Variants in PCDHGB1 observed in about 807,000 individuals in gnomAD.
PCDHGB1 encodes the protein protocadherin gamma-B1.
PCDHGB1 carries 34 observed loss-of-function variants against 56.6 expected under a neutral mutation model. The ratio of observed to expected loss-of-function variants is 0.60; its 90% confidence interval spans 0.46 to 0.80. The LOEUF (loss-of-function observed/expected upper bound fraction) is 0.80, where lower values mean the gene tolerates loss of function less well. Among genes scored for constraint, PCDHGB1 ranks in the 30% least tolerant of loss-of-function variants. The pLI is 0.00. For missense variants in PCDHGB1, 1,278 were observed against 1,204.6 expected, an observed-to-expected ratio of 1.06 and a Z score of -0.90; for synonymous variants, 561 against 505.9, an observed-to-expected ratio of 1.11 and a Z score of -1.46.
chr5:141,402,616 A>G (rs974813396), intron 1 of PCDHGB1, among the ~76,000 whole-genome samples: 1 of 152,256 alleles, frequency 6.6e-6, no homozygotes, highest in African/African-American at 2.4e-5. Flanking sequence ...AAATGCAAGA[A>G]ACAATTGGAG....
intron 1 of PCDHGB1, chr5:141,356,509 C>T: frequency 6.2e-7 from 1 of 1,614,018 alleles, no homozygotes; most frequent in Non-Finnish European, 8.5e-7. Context: ...TACAGAAACT[C>T]ATATTTCACT....
At chr5:141,434,194 GTACT>G (rs527775432) in intron 1 of PCDHGB1, among the ~76,000 whole-genome samples, 169 of 152,308 alleles carry the variant, frequency 1.1e-3, no homozygotes, top group African/African-American at 3.9e-3. Flanking sequence ...TAATTCCAAT[GTACT>G]TACTTCTGTC....
At position 141,350,858 on chromosome 5, in the gene PCDHGB1, G is replaced by A; in HGVS notation, c.598G>A (p.Glu200Lys). The A allele has an allele frequency of 9.9e-6, 16 of 1,614,058 alleles. No homozygotes were observed. Among genetic ancestry groups the A allele is most frequent in the Non-Finnish European group, 1.3e-5 (15 of 1,179,910 alleles). The change falls in exon 1 of 4, where the codon GAA becomes AAA. Residue 200 changes from glutamate to lysine, a missense_variant. Coordinates refer to ENST00000523390, the MANE Select transcript of PCDHGB1 (RefSeq NM_018922.3). ...VLLLEKPLDR[E>K]HQSSHRLILT... The stretch of plus-strand genomic sequence containing the variant: ...ACTGCTGGAAAAACCTCTAGACAGG[G>A]AACATCAGAGCTCTCATCGCTTAAT...
chr5:141,483,243 ATATATCATGAGGTTTTTTTGTT>A (rs555469799), intron 1 of PCDHGB1, among the ~76,000 whole-genome samples: 11 of 151,654 alleles, frequency 7.3e-5, no homozygotes, highest in African/African-American at 2.2e-4. Context: ...ACTGATATGC[ATATATCATGAGGTTTTTTTGTT>A]TTAGAAATAT....
At chr5:141,457,167 C>T (rs1465212183) in intron 1 of PCDHGB1, among the ~76,000 whole-genome samples, 1 of 152,114 alleles carries the variant, frequency 6.6e-6, no homozygotes, top group East Asian at 1.9e-4. Context: ...CATGGATAAC[C>T]CTATTGCAAA....
intron 1 of PCDHGB1, chr5:141,479,417 T>A (rs2099495481): frequency 6.6e-6 from 1 of 152,210 alleles, no homozygotes; most frequent in Non-Finnish European, 1.5e-5. Context: ...ACTATGCTGA[T>A]CAATTGATCA....
At chr5:141,369,314 T>C (rs1414185068) in intron 1 of PCDHGB1, among the ~76,000 whole-genome samples, 1 of 152,134 alleles carries the variant, frequency 6.6e-6, no homozygotes, top group Non-Finnish European at 1.5e-5. Flanking sequence ...TTAGGCTACT[T>C]GAGAAGAAAC....
At chr5:141,374,954 AT>A in intron 1 of PCDHGB1, 1 of 1,613,990 alleles carries the variant, frequency 6.2e-7, no homozygotes, top group East Asian at 2.2e-5. Flanking sequence ...GATCTCACAA[AT>A]TTTCTGTTTG....
chr5:141,358,345 G>A (rs568438184), intron 1 of PCDHGB1, among the ~76,000 whole-genome samples: 110 of 152,320 alleles, frequency 7.2e-4, no homozygotes, highest in African/African-American at 2.5e-3. Flanking sequence ...GATCTGGACT[G>A]AGGGTTTTTT....
Position 141,365,565 on chromosome 5 carries a change from G to A in PCDHGB1, c.2409+12896G>A, listed in dbSNP as rs140294664. The A allele has an allele frequency of 1.9e-6, 3 of 1,613,720 alleles. No individual in the cohort carries two copies. The Admixed American group carries it at 5.0e-5, about 27-fold the overall frequency. On this transcript the variant is annotated intron_variant, in intron 1 of 3. Transcript: ENST00000523390. ...CTATTAACAACTAGGGACCTGGACA[G>A]AGAAGAGACTTCAGATTATAATATC...
chr5:141,436,040 C>T (rs989038133), intron 1 of PCDHGB1, among the ~76,000 whole-genome samples: 1 of 152,060 alleles, frequency 6.6e-6, no homozygotes, highest in African/African-American at 2.4e-5. Context: ...TTTGTATTTA[C>T]ATTAGTTTTC....
intron 1 of PCDHGB1, chr5:141,393,880 T>A (rs1561645063): frequency 6.2e-7 from 1 of 1,614,004 alleles, no homozygotes; most frequent in Non-Finnish European, 8.5e-7. Context: ...TTTAGCCCAG[T>A]GTTAGAAAAT....
intron 1 of PCDHGB1, among the ~76,000 whole-genome samples, chr5:141,464,912 T>A (rs1303305860): frequency 2.6e-5 from 4 of 152,092 alleles, no homozygotes; most frequent in Non-Finnish European, 5.9e-5. Context: ...CTAATTTTTT[T>A]ATTTTTTTGT....
Position 141,491,197 on chromosome 5 carries a change from G to A in PCDHGB1, c.2410-3610G>A. Reference sequence around the variant, plus strand: ...GGTGGTCCTGGTGAGGGACAATGGTGACCCTTCACTCTCCTCCACAGCCAC... The same window carrying A: ...GGTGGTCCTGGTGAGGGACAATGGTAACCCTTCACTCTCCTCCACAGCCAC... On this transcript the variant is annotated intron_variant, in intron 1 of 3. Coordinates refer to ENST00000523390, the MANE Select transcript of PCDHGB1 (RefSeq NM_018922.3). The surrounding 1 kb of genome is among the most constrained non-coding windows in gnomAD (Gnocchi z 6.9). 6.2e-7 allele frequency: 1 copy of A among 1,614,190 alleles called. No individual in the cohort carries two copies. The highest frequency in any genetic ancestry group is 8.5e-7 in the Non-Finnish European group (1 of 1,180,024).
chr5:141,361,468 G>C, intron 1 of PCDHGB1: 3 of 1,614,008 alleles, frequency 1.9e-6, no homozygotes, highest in Non-Finnish European at 2.5e-6. Context: ...CATCTCCGAC[G>C]TCAACGATAA....
Position 141,476,264 on chromosome 5 carries a change from G to C in PCDHGB1, c.2410-18543G>C, listed in dbSNP as rs753184649. The C allele has an allele frequency of 6.2e-7, 1 of 1,614,082 alleles. No individual in the cohort carries two copies. Among genetic ancestry groups the C allele is most frequent in the Non-Finnish European group, 8.5e-7 (1 of 1,180,010 alleles). On this transcript the variant is annotated intron_variant, in intron 1 of 3. Transcript: ENST00000523390. This position sits in a 1 kb window ranked among gnomAD's most constrained non-coding sequence, Gnocchi z 7.6. ...AGAGAAGGGTTTCGCTGTGGGCAAC[G>C]TGGTCGCGAACCTTGGTTTGGATCT...
chr5:141,427,912 A>T (rs1268491054), intron 1 of PCDHGB1: 2 of 1,577,806 alleles, frequency 1.3e-6, no homozygotes, highest in Admixed American at 3.3e-5. Flanking sequence ...CTCAGCGCCA[A>T]CATGAGCCGG....
rs764482722 is a variant in PCDHGB1 at position 141,432,066 on chromosome 5, C to T, written c.2410-62741C>T. 62 of 1,614,062 alleles carry T rather than the reference C, an allele frequency of 3.8e-5. No individual in the cohort carries two copies. The highest frequency in any genetic ancestry group is 5.2e-5 in the Non-Finnish European group (61 of 1,180,046). On this transcript the variant is annotated intron_variant, in intron 1 of 3. Coordinates refer to ENST00000523390, the MANE Select transcript of PCDHGB1 (RefSeq NM_018922.3). The surrounding 1 kb of genome is among the most constrained non-coding windows in gnomAD (Gnocchi z 6.0). ...GGAACCCCGCCCCTATCCACGGAAA[C>T]TCATATCTCGCTGAACGTGGCAGAC...
chr5:141,510,426 T>C (rs983368750), intron 3 of PCDHGB1, among the ~76,000 whole-genome samples: 1 of 152,084 alleles, frequency 6.6e-6, no homozygotes, highest in African/African-American at 2.4e-5. Flanking sequence ...CATGGTTTCA[T>C]GGCTGCTGCC....
Sources: allele counts gnomAD v4.1 joint callset (sites outside exome capture counted in the v4.1 genomes callset), GRCh38; gene constraint gnomAD v4.1.1; non-coding constraint Gnocchi (gnomAD v3.1); transcripts MANE v1.5; gene names NCBI Gene and HGNC (gene_info 2026-07-23, HGNC 2026-07-21).